Variants in KDM1B observed in about 807,000 individuals in gnomAD.
KDM1B encodes lysine-specific histone demethylase 2.
KDM1B carries 63 observed loss-of-function variants against 107.4 expected under a neutral mutation model. The ratio of observed to expected loss-of-function variants is 0.59; its 90% CI spans 0.48 to 0.72. The LOEUF (loss-of-function observed/expected upper bound fraction) is 0.72. Among genes scored for constraint, KDM1B ranks in the 30% least tolerant of loss-of-function variants. KDM1B has a pLI of 0.00. For missense variants in KDM1B, 749 were observed against 1,020.8 expected, an observed-to-expected ratio of 0.73 and a Z score of 3.63; for synonymous variants, 363 against 363.9, an observed-to-expected ratio of 1.00 and a Z score of 0.03.
chr6:18,194,771 G>A (rs1262394197), intron 10 of KDM1B, among the ~76,000 whole-genome samples: 1 of 151,528 alleles, frequency 6.6e-6, no homozygotes, highest in African/African-American at 2.4e-5. Context: ...CCAAAGTGGT[G>A]GGATTACAGG....
At chr6:18,218,641 T>G (rs1789429335) in intron 21 of KDM1B, among the ~76,000 whole-genome samples, 1 of 152,324 alleles carries the variant, frequency 6.6e-6, no homozygotes, top group East Asian at 1.9e-4. Flanking sequence ...TTTTCTGTTT[T>G]CTTGGCAATT....
intron 20 of KDM1B, among the ~76,000 whole-genome samples, chr6:18,217,433 C>G (rs192074681): frequency 6.8e-6 from 1 of 146,070 alleles, no homozygotes; most frequent in Non-Finnish European, 1.5e-5. Context: ...GGCTGGAGTG[C>G]AGTGGCGCGA....
intron 21 of KDM1B, among the ~76,000 whole-genome samples, chr6:18,219,851 C>T (rs1035011717): frequency 1.3e-5 from 2 of 152,194 alleles, no homozygotes; most frequent in Admixed American, 1.3e-4. Context: ...GCACTGTGGG[C>T]GCTGGAAGCT....
intron 14 of KDM1B, among the ~76,000 whole-genome samples, chr6:18,202,027 G>A (rs897073050): frequency 1.3e-5 from 2 of 152,166 alleles, no homozygotes; most frequent in Admixed American, 1.3e-4. Flanking sequence ...GGGTTTGTGT[G>A]TGCCAGGATT....
chr6:18,181,559 A>G (rs1447302060), intron 7 of KDM1B, among the ~76,000 whole-genome samples: 1 of 152,138 alleles, frequency 6.6e-6, no homozygotes, highest in Non-Finnish European at 1.5e-5. Context: ...CAGCCTGGGC[A>G]ACATGACGAG....
chr6:18,167,795 C>T (rs930318303), intron 6 of KDM1B, among the ~76,000 whole-genome samples: 2 of 152,002 alleles, frequency 1.3e-5, no homozygotes, highest in Non-Finnish European at 2.9e-5. Context: ...TGGGGCCTTG[C>T]TCTGTCGTTC....
At chr6:18,206,011 A>C (rs535635756) in intron 15 of KDM1B, among the ~76,000 whole-genome samples, 1 of 151,804 alleles carries the variant, frequency 6.6e-6, no homozygotes, top group African/African-American at 2.4e-5. Context: ...GTTTTTGTGT[A>C]TGTGTGTGTG....
At chr6:18,167,240 C>T (rs558866757) in intron 6 of KDM1B, among the ~76,000 whole-genome samples, 1 of 151,670 alleles carries the variant, frequency 6.6e-6, no homozygotes, top group South Asian at 2.1e-4. Context: ...GCCTGTTGTC[C>T]CAGCTACTTG....
chr6:18,199,008 G>GAAAAAAAAAAAAAAAAA (rs70974711), intron 12 of KDM1B, among the ~76,000 whole-genome samples: 9 of 74,690 alleles, frequency 1.2e-4, no homozygotes, highest in Admixed American at 5.8e-4. Context: ...GTCTCTACCA[G>GAAAAAAAAAAAAAAAAA]AAAAAAAAAA....
At chr6:18,169,861 A>G (rs1019921442) in intron 6 of KDM1B, among the ~76,000 whole-genome samples, 1 of 152,154 alleles carries the variant, frequency 6.6e-6, no homozygotes, top group East Asian at 1.9e-4. Context: ...GGATATCTGC[A>G]TGCTTTTAAA....
chr6:18,167,214 G>A (rs6907298), intron 6 of KDM1B, among the ~76,000 whole-genome samples: 46,555 of 151,240 alleles, frequency 0.31, 7,608 homozygotes, highest in East Asian at 0.52. Context: ...AAAATTAGCC[G>A]GGCGTGGTGG....
intron 6 of KDM1B, among the ~76,000 whole-genome samples, chr6:18,168,663 G>A (rs1191078500): frequency 2.2e-5 from 3 of 138,020 alleles, no homozygotes; most frequent in Non-Finnish European, 3.3e-5. Flanking sequence ...TAATTATATG[G>A]GACCTCAAAC....
rs1476314835 is a variant in KDM1B at position 18,214,124 on chromosome 6, A to T, written c.2109+343A>T. Among the ~76,000 whole-genome samples, 1 of 151,952 alleles carries T rather than the reference A, an allele frequency of 6.6e-6. No homozygotes were observed. Among genetic ancestry groups the T allele is most frequent in the Non-Finnish European group, 1.5e-5 (1 of 67,994 alleles). On this transcript the variant is annotated intron_variant, in intron 19 of 21. Coordinates refer to ENST00000650836, the MANE Select transcript of KDM1B (RefSeq NM_001364614.2). This position sits in a 1 kb window ranked among gnomAD's most constrained non-coding sequence, Gnocchi z 4.4. ...CTTCCTCTCTGAGGGTCCTCTAGGGAGCTGGGAAAGGGTGTATGATTGGTG... is the reference window on the plus strand; with the variant it reads ...CTTCCTCTCTGAGGGTCCTCTAGGGTGCTGGGAAAGGGTGTATGATTGGTG...
intron 9 of KDM1B, among the ~76,000 whole-genome samples, chr6:18,188,830 C>T (rs952769901): frequency 1.3e-5 from 2 of 150,398 alleles, no homozygotes; most frequent in Non-Finnish European, 2.9e-5. Context: ...GTCACCCAGG[C>T]TGGAGTGCAG....
intron 21 of KDM1B, among the ~76,000 whole-genome samples, chr6:18,220,276 G>A (rs557629681): frequency 6.6e-6 from 1 of 152,286 alleles, no homozygotes; most frequent in East Asian, 1.9e-4. Context: ...AACATTGGCC[G>A]GGTGCGATGG....
chr6:18,198,762 AT>A (rs1443988550), intron 12 of KDM1B, among the ~76,000 whole-genome samples: 8 of 151,586 alleles, frequency 5.3e-5, no homozygotes, highest in Admixed American at 5.3e-4. Context: ...GGCCAAGGTT[AT>A]TTGAGTTTTA....
chr6:18,165,779 G>A (rs1449169557), intron 5 of KDM1B, among the ~76,000 whole-genome samples: 5 of 152,186 alleles, frequency 3.3e-5, no homozygotes, highest in African/African-American at 7.2e-5. Context: ...CCAAGATTGT[G>A]CCATTGCGCT....
intron 9 of KDM1B, among the ~76,000 whole-genome samples, chr6:18,190,466 G>T (rs1787203831): frequency 6.6e-6 from 1 of 151,838 alleles, no homozygotes; most frequent in African/African-American, 2.4e-5. Context: ...GCTGGGCATG[G>T]TGGCGGGCGC....
At position 18,214,973 on chromosome 6, in the gene KDM1B, C is replaced by G. The variant is rs1350393769; in HGVS notation, c.2110-34C>G. 2 of 1,610,432 alleles carry G rather than the reference C, an allele frequency of 1.2e-6. No individual in the cohort carries two copies. Among genetic ancestry groups the G allele is most frequent in the African/African-American group, 1.3e-5 (1 of 74,796 alleles). ...CCCTTATCTGTGGGAGCTGAGCACT[C>G]ACAGACCTCCTGCTTTTCCTTTCAT... On this transcript the variant is annotated intron_variant, in intron 19 of 21. Coordinates refer to ENST00000650836, the MANE Select transcript of KDM1B (RefSeq NM_001364614.2). This position sits in a 1 kb window ranked among gnomAD's most constrained non-coding sequence, Gnocchi z 4.4.
Sources: allele counts gnomAD v4.1 joint callset (sites outside exome capture counted in the v4.1 genomes callset), GRCh38; gene constraint gnomAD v4.1.1; non-coding constraint Gnocchi (gnomAD v3.1); transcripts MANE v1.5; gene names NCBI Gene and HGNC (gene_info 2026-07-23, HGNC 2026-07-21).